The following B4GALNT2 variants were observed in gnomAD, a reference collection of about 807,000 sequenced individuals.
The protein encoded by B4GALNT2 is beta-1,4-N-acetyl-galactosaminyltransferase 2 (SID blood group).
In B4GALNT2, 42 loss-of-function variants were observed where a neutral mutation model predicts 51.1. The observed-to-expected ratio is 0.82, with a 90% CI of 0.64 to 1.06. The LOEUF is 1.06. B4GALNT2 is among the 50% of genes least tolerant of loss of function. B4GALNT2 has a pLI of 0.00. For synonymous variants in B4GALNT2, 253 were observed against 251.7 expected (o/e 1.01, Z -0.05); for missense variants, 602 against 633.6 (o/e 0.95, Z 0.54).
intron 9 of B4GALNT2, 30 bp from the exon 10 acceptor site, chr17:49,168,651 C>T (rs756953259): frequency 1.9e-6 from 3 of 1,602,488 alleles, no homozygotes; most frequent in Non-Finnish European, 2.6e-6. Flanking sequence ...GATCTGCACT[C>T]TAACATGGAT....
At position 49,159,103 on chromosome 17, in the gene B4GALNT2, G is replaced by C. The variant is rs1401151535; in HGVS notation, c.565G>C (p.Gly189Arg). Residue 189 changes from glycine (G) to arginine (R), a missense_variant, in exon 6 of 11, where the codon GGC (glycine) becomes CGC (arginine). Physicochemically the swap from Gly to Arg is moderately radical, Grantham distance 125 (BLOSUM62 -2). Transcript: ENST00000393354. ...TGATGTCCCAGACAGTGTGGTGCAG[G>C]GCAGAGGCCAGAAGCAGCTGATCAT... is the stretch of plus-strand genomic sequence containing the variant. ...LADVPDSVVQ[G>R]RGQKQLIIST... 6.2e-7 allele frequency: 1 copy of C among 1,614,194 alleles called. No individual in the cohort carries two copies. The highest frequency in any genetic ancestry group is 1.1e-5 in the South Asian group (1 of 91,084).
chr17:49,138,900 C>G (rs551274984), intron 1 of B4GALNT2, among the ~76,000 whole-genome samples: 2 of 152,186 alleles, frequency 1.3e-5, no homozygotes, highest in East Asian at 3.9e-4. Flanking sequence ...CAAACAACAA[C>G]AAAAGAAAAA....
At chr17:49,166,440 C>A (rs536759556) in intron 9 of B4GALNT2, among the ~76,000 whole-genome samples, 186 bp downstream of exon 9, 4 of 152,028 alleles carry the variant, frequency 2.6e-5, no homozygotes, top group Non-Finnish European at 5.9e-5. Flanking sequence ...CACCAGCTCA[C>A]GCCTCCATAC....
chr17:49,156,654 C>T, intron 5 of B4GALNT2, 51 bp downstream of exon 5: 1 of 1,588,522 alleles, frequency 6.3e-7, no homozygotes, highest in Non-Finnish European at 8.6e-7. Context: ...GTCCTCATTC[C>T]CTCAACTGTG....
chr17:49,128,235 C>T (rs112658996), upstream of B4GALNT2, among the ~76,000 whole-genome samples: 4 of 152,144 alleles, frequency 2.6e-5, no homozygotes, highest in African/African-American at 9.7e-5. Flanking sequence ...AATGCCTTCA[C>T]CCCCAGCCAC....
chr17:49,160,708 G>C (rs62079775), intron 7 of B4GALNT2, 67 bp downstream of exon 7: 2 of 1,395,258 alleles, frequency 1.4e-6, no homozygotes, highest in Non-Finnish European at 2.0e-6. Context: ...ATTCAGAAGG[G>C]ATCACCTCTG....
At chr17:49,157,032 C>G (rs1200135415) in intron 5 of B4GALNT2, among the ~76,000 whole-genome samples, 2 of 152,178 alleles carry the variant, frequency 1.3e-5, no homozygotes, top group Non-Finnish European at 2.9e-5. Context: ...GAACCCTAAC[C>G]AAGAGGAATC....
At chr17:49,165,011 A>G (rs904698591) in intron 8 of B4GALNT2, among the ~76,000 whole-genome samples, 11 of 151,938 alleles carry the variant, frequency 7.2e-5, no homozygotes, top group African/African-American at 2.4e-5. Context: ...ATGGGGTCTC[A>G]CTGTGTTGGC....
chr17:49,163,456 TC>T (rs5820750), intron 7 of B4GALNT2, among the ~76,000 whole-genome samples: 151,387 of 152,138 alleles, frequency 1, 75,324 homozygotes, highest in East Asian at 1. Flanking sequence ...GCATTTCAAC[TC>T]CTAATATTAA....
chr17:49,131,807 G>C (rs958370468), upstream of B4GALNT2, among the ~76,000 whole-genome samples: 3 of 152,024 alleles, frequency 2.0e-5, no homozygotes, highest in Admixed American at 1.3e-4. Flanking sequence ...CACCGCACCC[G>C]GCCCCATTTT....
rs2042975295 is a variant in B4GALNT2 at position 49,174,374 on chromosome 17, G to A, written c.*4646G>A. 6.6e-6 allele frequency: 1 copy of A among 152,212 alleles called. No homozygotes were observed. The highest frequency in any genetic ancestry group is 6.5e-5 in the Admixed American group (1 of 15,284). The allele number at this position is 152,212 out of a possible 1,614,324, so 9.4% of individuals were successfully genotyped here. A position where few individuals can be genotyped will look rare whatever the true frequency, so the allele number is the denominator to read the frequency against. On this transcript the variant is annotated 3_prime_UTR_variant, in exon 11 of 11. Coordinates refer to ENST00000393354, the MANE Select transcript of B4GALNT2 (RefSeq NM_001159387.2). ...CAACAGTTTCCAGTGAAAATGCTTAGCAGGCTGCAGGTTGTTTACTGCAGG... is the reference window on the plus strand; with the variant it reads ...CAACAGTTTCCAGTGAAAATGCTTAACAGGCTGCAGGTTGTTTACTGCAGG...
chr17:49,150,103 C>G (rs2042734882), intron 3 of B4GALNT2, among the ~76,000 whole-genome samples: 2 of 152,032 alleles, frequency 1.3e-5, no homozygotes, highest in Admixed American at 1.3e-4. Context: ...GCCAGCCGCC[C>G]CGTCCAGGAG....
intron 3 of B4GALNT2, among the ~76,000 whole-genome samples, chr17:49,151,743 A>AC (rs202106085): frequency 6.3e-4 from 90 of 143,076 alleles, no homozygotes; most frequent in African/African-American, 1.2e-3. Flanking sequence ...AGACTCTGTC[A>AC]CAAAAAAAAA....
At chr17:49,133,297 C>A in intron 1 of B4GALNT2, 1 of 1,400,426 alleles carries the variant, frequency 7.1e-7, no homozygotes, top group Non-Finnish European at 9.2e-7. Flanking sequence ...CTCCACAGTC[C>A]GCGCGGAGTC....
intron 5 of B4GALNT2, among the ~76,000 whole-genome samples, chr17:49,158,636 C>CAAA (rs770885158): frequency 7.6e-4 from 56 of 73,998 alleles, no homozygotes; most frequent in African/African-American, 2.1e-3. Flanking sequence ...GACTCCATCT[C>CAAA]AAAAAAAAAA....
chr17:49,158,150 T>C (rs2042827668), intron 5 of B4GALNT2, among the ~76,000 whole-genome samples: 1 of 152,056 alleles, frequency 6.6e-6, no homozygotes, highest in Admixed American at 6.5e-5. Context: ...CCTTGGGGCC[T>C]GGAACAACTG....
chr17:49,148,160 C>T (rs187451952), intron 3 of B4GALNT2, among the ~76,000 whole-genome samples: 22 of 151,730 alleles, frequency 1.4e-4, no homozygotes, highest in Admixed American at 3.3e-4. Context: ...ATTAGTCGAG[C>T]GTGATGGTGG....
At chr17:49,147,966 T>TTATATATATATA (rs140831657) in intron 3 of B4GALNT2, among the ~76,000 whole-genome samples, 27 of 147,716 alleles carry the variant, frequency 1.8e-4, no homozygotes, top group African/African-American at 6.5e-4. Context: ...TTTTATTCAA[T>TTATATATATATA]TATATATATA....
chr17:49,135,208 T>TACACACACAC (rs1263689726), intron 1 of B4GALNT2, among the ~76,000 whole-genome samples: 1 of 152,228 alleles, frequency 6.6e-6, no homozygotes, highest in African/African-American at 2.4e-5. Context: ...AAACTCAAAT[T>TACACACACAC]ACACATACAC....
Sources: allele counts gnomAD v4.1 joint callset (sites outside exome capture counted in the v4.1 genomes callset), GRCh38; gene constraint gnomAD v4.1.1; transcripts MANE v1.5; gene names NCBI Gene and HGNC (gene_info 2026-07-23, HGNC 2026-07-21).